Variants in SOS1 observed in about 807,000 individuals in gnomAD.
The protein encoded by SOS1 is son of sevenless homolog 1.
SOS1 carries 25 observed loss-of-function variants against 157.6 expected under a neutral mutation model. That is an observed-to-expected ratio of 0.16 (90% CI 0.12 to 0.22). The LOEUF is 0.22. Among genes scored for constraint, SOS1 ranks in the 10% least tolerant of loss-of-function variants. The pLI is 1.00. For missense variants in SOS1, 1,237 were observed against 1,599.1 expected, an observed-to-expected ratio of 0.77 and a Z score of 3.86; for synonymous variants, 528 against 534.0, an observed-to-expected ratio of 0.99 and a Z score of 0.16.
chr2:39,038,203 T>C (rs1447534063), intron 6 of SOS1, among the ~76,000 whole-genome samples: 3 of 152,162 alleles, frequency 2.0e-5, no homozygotes, highest in African/African-American at 4.8e-5. Context: ...GTAAGAACAT[T>C]TGTTATTTAT....
intron 1 of SOS1, among the ~76,000 whole-genome samples, chr2:39,094,953 C>G (rs538249858): frequency 6.6e-6 from 1 of 152,190 alleles, no homozygotes; most frequent in African/African-American, 2.4e-5. Flanking sequence ...GAGAAGCTCC[C>G]AAGAGAAATC....
rs146117982 is a variant in SOS1 at position 39,047,615 on chromosome 2, C to CA, written c.864+3528dup. On this transcript the variant is annotated intron_variant, in intron 6 of 22. Transcript: ENST00000402219. Reference sequence around the variant, plus strand: ...CTATTTTCTGAAAAACAAAACAAAACAAAAAAACCCTGAAGTTTTAGTTAT... The same window carrying CA: ...CTATTTTCTGAAAAACAAAACAAAACAAAAAAAACCCTGAAGTTTTAGTTAT... Among the ~76,000 whole-genome samples the CA allele has an allele frequency of 1.8e-3, 278 of 152,138 alleles. 2 individuals carry two copies. In the East Asian group the frequency reaches 0.022, roughly 12 times the overall value.
intron 6 of SOS1, among the ~76,000 whole-genome samples, chr2:39,045,273 A>AGAGAGTGTGTGTGTGT (rs138343013): frequency 1.1e-4 from 12 of 108,046 alleles, no homozygotes; most frequent in Non-Finnish European, 2.1e-4. Context: ...AGAGAGAGAG[A>AGAGAGTGTGTGTGTGT]GTGTGTGTGT....
At chr2:39,040,254 T>C (rs1670522700) in intron 6 of SOS1, among the ~76,000 whole-genome samples, 1 of 152,120 alleles carries the variant, frequency 6.6e-6, no homozygotes. Flanking sequence ...CCTGACCTTG[T>C]GATCCGCCCG....
Position 39,006,446 on chromosome 2 carries a change from G to A in SOS1, c.2757C>T (p.Leu919=), listed in dbSNP as rs1669284945. 5 of 1,591,728 alleles carry A rather than the reference G, an allele frequency of 3.1e-6. No homozygotes were observed. The highest frequency in any genetic ancestry group is 4.3e-6 in the Non-Finnish European group (5 of 1,160,044). Residue 919 remains leucine (L), a synonymous_variant, in exon 17 of 23, where the codon CTC becomes CTT. Transcript: ENST00000402219. The part of the protein sequence containing the change: ...EDHYKKYLAK[L]RSINPPCVPF... ...GCACACATGGTGGATTAATAGACCT[G>A]AGTTTTGCCAAATATTTCTTATAGT...
chr2:39,022,951 T>C lies in SOS1; in HGVS notation c.1477A>G (p.Lys493Glu). 2 of 1,613,790 alleles carry C rather than the reference T, an allele frequency of 1.2e-6. No individual in the cohort carries two copies. Among genetic ancestry groups the C allele is most frequent in the Non-Finnish European group, 1.7e-6 (2 of 1,179,776 alleles). ...ASNAEYRLKE[K>E]FFMRKVQIND... ...ATTTGTACCTTTCGCATAAAAAACT[T>C]TTCTTTAAGACGATATTCTGCATTG... Residue 493 changes from lysine to glutamate, a missense_variant, in exon 10 of 23, where the codon AAG becomes GAG. By Grantham distance (56) the Lys-to-Glu change is moderately conservative. This residue lies in a region of SOS1 where 210 missense variants were observed against 220.2 expected (regional missense o/e 0.95). Coordinates refer to ENST00000402219, the MANE Select transcript of SOS1 (RefSeq NM_005633.4).
At chr2:39,040,014 T>A (rs539811090) in intron 6 of SOS1, among the ~76,000 whole-genome samples, 1 of 152,226 alleles carries the variant, frequency 6.6e-6, no homozygotes, top group South Asian at 2.1e-4. Context: ...TTTATTTTTT[T>A]ATTTTTTATT....
intron 1 of SOS1, among the ~76,000 whole-genome samples, chr2:39,107,391 A>T (rs1673234493): frequency 6.6e-6 from 1 of 152,156 alleles, no homozygotes; most frequent in South Asian, 2.1e-4. Flanking sequence ...CCTTTCACTC[A>T]AAGACTTTCT....
intron 5 of SOS1, 40 bp downstream of exon 5, chr2:39,054,574 C>T: frequency 8.6e-7 from 1 of 1,167,698 alleles, no homozygotes; most frequent in South Asian, 1.2e-5. Context: ...GCAAATTTCA[C>T]AACACATTCA....
chr2:39,050,089 G>T (rs1231629669), intron 6 of SOS1, among the ~76,000 whole-genome samples: 1 of 152,020 alleles, frequency 6.6e-6, no homozygotes, highest in Non-Finnish European at 1.5e-5. Flanking sequence ...ATGTGTGTTT[G>T]GAGCAGGAAT....
chr2:39,035,333 T>G, intron 7 of SOS1, 23 bp from the exon 8 acceptor site: 1 of 1,607,730 alleles, frequency 6.2e-7, no homozygotes, highest in Non-Finnish European at 8.5e-7. Context: ...GTGATTTAAT[T>G]TTTTTTTTAA....
chr2:39,109,279 T>C (rs1558517803), intron 1 of SOS1, among the ~76,000 whole-genome samples: 1 of 152,274 alleles, frequency 6.6e-6, no homozygotes, highest in East Asian at 1.9e-4. Context: ...ACAAGGACAG[T>C]CTCCTAGCTT....
intron 4 of SOS1, 85 bp downstream of exon 4, chr2:39,056,617 T>C (rs1403634558): frequency 1.1e-6 from 1 of 883,400 alleles, no homozygotes; most frequent in Non-Finnish European, 1.9e-6. Flanking sequence ...CATAATACAA[T>C]TTTATTCTAT....
At chr2:39,092,104 G>A (rs915561138) in intron 1 of SOS1, among the ~76,000 whole-genome samples, 1 of 152,162 alleles carries the variant, frequency 6.6e-6, no homozygotes, top group Non-Finnish European at 1.5e-5. Flanking sequence ...TATCACTAGT[G>A]CTAAAGCCCT....
At chr2:39,086,324 G>C (rs1474465419) in intron 1 of SOS1, among the ~76,000 whole-genome samples, 1 of 152,168 alleles carries the variant, frequency 6.6e-6, no homozygotes, top group African/African-American at 2.4e-5. Flanking sequence ...ATGGAGTTAG[G>C]TAGGGCCCAG....
intron 1 of SOS1, among the ~76,000 whole-genome samples, chr2:39,073,732 C>A: frequency 6.6e-6 from 1 of 152,130 alleles, no homozygotes; most frequent in East Asian, 1.9e-4. Context: ...ATGAGTTCTC[C>A]AAGTGTATTC....
intron 17 of SOS1, among the ~76,000 whole-genome samples, chr2:39,005,941 G>A (rs142883664): frequency 6.6e-6 from 1 of 152,044 alleles, no homozygotes; most frequent in African/African-American, 2.4e-5. Flanking sequence ...GTCCTAAAAA[G>A]GAAGGAAAAG....
rs749989638 is a variant in SOS1, at chr2:38,987,582, G to A, written c.3401C>T (p.Ser1134Phe). 1.3e-6 allele frequency: 2 copies of A among 1,503,392 alleles called. No individual in the cohort carries two copies. Among genetic ancestry groups the A allele is most frequent in the Admixed American group, 3.4e-5 (2 of 59,400 alleles). 93.1% of individuals were successfully genotyped at this position (1,503,392 alleles called of 1,614,324 possible). Residue 1134 changes from serine (S) to phenylalanine (F), a missense_variant, in exon 22 of 23, where the codon TCT (serine) becomes TTT (phenylalanine). By Grantham distance (155) the Ser-to-Phe change is radical. This residue lies in a region of SOS1 where 306 missense variants were observed against 322.6 expected (regional missense o/e 0.95). Transcript: ENST00000402219. ...VTLPHGPRSA[S>F]VSSISLTKGT... ...TTTGGTTAAACTTATAGATGATACA[G>A]AAGCAGATCCTGTGGGATGTTAAAT... is the stretch of plus-strand genomic sequence containing the variant.
Position 39,106,264 on chromosome 2 carries a change from C to T in SOS1, c.87+14072G>A, listed in dbSNP as rs1490783377. ...ATTAAAGGTTCCTCAAGTAATCTTC[C>T]TGTTACAGTTTTAAAAAAAAAACTT... On this transcript the variant is annotated intron_variant, in intron 1 of 22. Coordinates refer to ENST00000402219, the MANE Select transcript of SOS1 (RefSeq NM_005633.4). Among the ~76,000 whole-genome samples the T allele has an allele frequency of 2.6e-5, 4 of 151,798 alleles. No individual in the cohort carries two copies. In the East Asian group the frequency reaches 5.8e-4, roughly 22 times the overall value.
Sources: allele counts gnomAD v4.1 joint callset (sites outside exome capture counted in the v4.1 genomes callset), GRCh38; gene constraint gnomAD v4.1.1; regional missense constraint gnomAD v4.1.1; transcripts MANE v1.5; gene names NCBI Gene and HGNC (gene_info 2026-07-23, HGNC 2026-07-21).